Variants in USP37 observed in about 807,000 individuals in gnomAD.
The protein encoded by USP37 is ubiquitin specific peptidase 37, also known as ubiquitin carboxyl-terminal hydrolase 37.
USP37 carries 27 observed loss-of-function variants against 124.0 expected under a neutral mutation model. That is an observed-to-expected ratio of 0.22 (90% CI 0.16 to 0.30). The LOEUF (loss-of-function observed/expected upper bound fraction) is 0.30. Ranked by LOEUF, USP37 falls within the 10% of genes least tolerant of loss-of-function variation. The probability of loss-of-function intolerance (pLI) is 1.00; values close to 1 mark genes in which losing one functional copy is unlikely to be tolerated. For missense variants in USP37, 889 were observed against 1,140.4 expected (o/e 0.78, Z 3.17); for synonymous variants, 365 against 388.0 (o/e 0.94, Z 0.70).
intron 8 of USP37, among the ~76,000 whole-genome samples, chr2:218,544,634 G>T (rs1227133658): frequency 6.6e-6 from 1 of 151,944 alleles, no homozygotes; most frequent in Non-Finnish European, 1.5e-5. Context: ...GCAAAGCCAG[G>T]GGTCACATGG....
intron 1 of USP37, among the ~76,000 whole-genome samples, chr2:218,563,412 G>A (rs995873901): frequency 2.6e-5 from 4 of 152,156 alleles, no homozygotes; most frequent in Admixed American, 2.6e-4. Flanking sequence ...AAACTAAGAA[G>A]TCAGTGAGAA....
chr2:218,465,125 A>G (rs1231027636), intron 21 of USP37, among the ~76,000 whole-genome samples: 1 of 152,212 alleles, frequency 6.6e-6, no homozygotes, highest in Non-Finnish European at 1.5e-5. Context: ...CTAAAATCTG[A>G]AAATTAGATT....
At chr2:218,506,860 G>A (rs1023723694) in intron 11 of USP37, among the ~76,000 whole-genome samples, 8 of 151,150 alleles carry the variant, frequency 5.3e-5, no homozygotes, top group East Asian at 2.0e-4. Context: ...GCAGTGGCGC[G>A]ATCTCAGCTC....
intron 10 of USP37, among the ~76,000 whole-genome samples, chr2:218,527,079 C>T (rs1029001163): frequency 1.1e-4 from 16 of 152,212 alleles, no homozygotes; most frequent in Middle Eastern, 3.2e-3. Flanking sequence ...TGAGCCACCG[C>T]GCCCGGCCTG....
At chr2:218,507,541 T>G (rs1366655780) in intron 11 of USP37, among the ~76,000 whole-genome samples, 10 of 152,226 alleles carry the variant, frequency 6.6e-5, no homozygotes, top group Non-Finnish European at 2.9e-5. Flanking sequence ...GGCTGAAATA[T>G]TTTGATTCAT....
intron 11 of USP37, among the ~76,000 whole-genome samples, chr2:218,503,136 A>G (rs1300683657): frequency 6.6e-6 from 1 of 152,218 alleles, no homozygotes; most frequent in Non-Finnish European, 1.5e-5. Context: ...CTTGCTGCCA[A>G]GAGACACGCA....
intron 5 of USP37, among the ~76,000 whole-genome samples, chr2:218,550,904 G>A (rs1692635092): frequency 1.3e-5 from 2 of 151,652 alleles, no homozygotes; most frequent in East Asian, 1.9e-4. Context: ...TTCTTCCTTT[G>A]TCTTTTGTTC....
intron 25 of USP37, 50 bp downstream of exon 25, chr2:218,455,530 A>G: frequency 4.8e-6 from 6 of 1,253,142 alleles, no homozygotes; most frequent in Non-Finnish European, 5.5e-6. Flanking sequence ...AAAAAAAAAG[A>G]GTTCCGGTGA....
In USP37 at chr2:218,553,582, T is replaced by C; in HGVS notation, c.299A>G (p.Asp100Gly). Residue 100 changes from aspartate to glycine, a missense_variant, in exon 5 of 26, where the codon GAT becomes GGT. Asp to Gly is a moderately conservative substitution (Grantham distance 94). Coordinates refer to ENST00000258399, the MANE Select transcript of USP37 (RefSeq NM_020935.3). ...AGGAAGTCTGTTTTGATGGACTGCATCTAGAAACAACCTCATTTCCTCTGC... is the reference window on the plus strand; with the variant it reads ...AGGAAGTCTGTTTTGATGGACTGCACCTAGAAACAACCTCATTTCCTCTGC... ...KDAEEMRLFL[D>G]AVHQNRLPAA... 1.2e-6 allele frequency: 2 copies of C among 1,613,788 alleles called. No homozygotes were observed. Among genetic ancestry groups the C allele is most frequent in the African/African-American group, 2.7e-5 (2 of 75,028 alleles).
chr2:218,474,162 C>T (rs570349170), intron 20 of USP37, among the ~76,000 whole-genome samples: 1 of 152,196 alleles, frequency 6.6e-6, no homozygotes, highest in South Asian at 2.1e-4. Context: ...AGAAAAGCAC[C>T]TCAGAACTGA....
At chr2:218,470,426 T>C (rs998453155) in intron 20 of USP37, among the ~76,000 whole-genome samples, 11 of 152,154 alleles carry the variant, frequency 7.2e-5, no homozygotes, top group Admixed American at 6.6e-5. Context: ...AGGTCTCAAG[T>C]ATTACTGTTT....
Position 218,510,116 on chromosome 2 carries a change from G to C in USP37, c.888C>G (p.Pro296=), listed in dbSNP as rs748573939. ...GAAATCCCAAACTTCTTTTGGCAGA[G>C]GGAGTCTGGCTTGAAACATTAGTCC... ...LDRTNVSSQT[P]SAKRSLGFLP... The change falls in exon 11 of 26, where the codon CCC becomes CCG. Residue 296 remains proline, a synonymous_variant. Coordinates refer to ENST00000258399, the MANE Select transcript of USP37 (RefSeq NM_020935.3). 1.2e-6 allele frequency: 2 copies of C among 1,611,436 alleles called. No homozygotes were observed. The highest frequency in any genetic ancestry group is 1.7e-6 in the Non-Finnish European group (2 of 1,179,506).
chr2:218,549,019 C>T (rs1220514603), intron 6 of USP37, among the ~76,000 whole-genome samples: 1 of 152,106 alleles, frequency 6.6e-6, no homozygotes, highest in Non-Finnish European at 1.5e-5. Flanking sequence ...GAAATTACAA[C>T]CTAATCTATA....
chr2:218,546,888 A>C, intron 7 of USP37, 31 bp downstream of exon 7: 1 of 1,596,250 alleles, frequency 6.3e-7, no homozygotes. Context: ...TTACAGATAC[A>C]GCTAGTGACT....
At chr2:218,480,407 A>G (rs1400396527) in intron 17 of USP37, among the ~76,000 whole-genome samples, 5 of 150,944 alleles carry the variant, frequency 3.3e-5, no homozygotes, top group African/African-American at 1.2e-4. Context: ...TCAAAAAAAA[A>G]AAAAAAAAAA....
chr2:218,522,210 C>A (rs565480062), intron 10 of USP37, among the ~76,000 whole-genome samples: 5 of 152,000 alleles, frequency 3.3e-5, no homozygotes, highest in Admixed American at 2.6e-4. Context: ...CCATTCAACC[C>A]ATCTTCTTAG....
chr2:218,524,713 G>T (rs991355715), intron 10 of USP37, among the ~76,000 whole-genome samples: 1 of 152,220 alleles, frequency 6.6e-6, no homozygotes, highest in African/African-American at 2.4e-5. Flanking sequence ...GGGTTCAAGT[G>T]ATTCTCCTGT....
chr2:218,544,428 TATAGAGAGAGAGAGAGAG>T (rs1204525539), intron 8 of USP37, among the ~76,000 whole-genome samples: 1 of 50,062 alleles, frequency 2.0e-5, no homozygotes, highest in Non-Finnish European at 3.1e-5. Flanking sequence ...TATATATATA[TATAGAGAGAGAGAGAGAG>T]AGAGAGAGAG....
Position 218,546,208 on chromosome 2 carries a change from TAAAGTAACTTACGATGATG to T in USP37, c.674_680+12del. On this transcript the variant is annotated splice_donor_variant and splice_donor_5th_base_variant and coding_sequence_variant and intron_variant, in exon 8 of 26. Coordinates refer to ENST00000258399, the MANE Select transcript of USP37 (RefSeq NM_020935.3). LOFTEE classifies it high-confidence loss of function. ...ACTGCTCTAACACTATAAAGGCCCT[TAAAGTAACTTACGATGATG>T]AATCATTTTCCTTAGGGTAATCTTC... 6.2e-7 allele frequency: 1 copy of T among 1,605,354 alleles called. No individual in the cohort carries two copies.
Sources: allele counts gnomAD v4.1 joint callset (sites outside exome capture counted in the v4.1 genomes callset), GRCh38; gene constraint gnomAD v4.1.1; transcripts MANE v1.5; gene names NCBI Gene and HGNC (gene_info 2026-07-23, HGNC 2026-07-21).